The following RORA variants were observed in gnomAD, a reference collection of about 807,000 sequenced individuals.
RORA encodes the protein RAR related orphan receptor A, also known as nuclear receptor ROR-alpha.
Under a neutral mutation model 69.5 loss-of-function variants are expected in RORA, and 7 were observed. The ratio of observed to expected loss-of-function variants is 0.10; its 90% CI spans 0.06 to 0.19. RORA has a LOEUF of 0.19. Among genes scored for constraint, RORA ranks in the 10% least tolerant of loss-of-function variants. RORA has a pLI of 1.00. For synonymous variants in RORA, 261 were observed against 240.8 expected, an observed-to-expected ratio of 1.08 and a Z score of -0.78; for missense variants, 457 against 663.0, an observed-to-expected ratio of 0.69 and a Z score of 3.41.
At chr15:60,621,803 T>C (rs1179081646) in intron 2 of RORA, among the ~76,000 whole-genome samples, 2 of 151,842 alleles carry the variant, frequency 1.3e-5, no homozygotes, top group African/African-American at 2.4e-5. Flanking sequence ...ATCCCAGCAC[T>C]TTGGGAGGGC....
At chr15:60,684,931 A>G (rs1051084096) in intron 1 of RORA, among the ~76,000 whole-genome samples, 2 of 152,150 alleles carry the variant, frequency 1.3e-5, no homozygotes, top group Non-Finnish European at 2.9e-5. Context: ...AATATAGCTT[A>G]ACTTCTCTGA....
intron 1 of RORA, among the ~76,000 whole-genome samples, chr15:60,979,988 A>G (rs1893993876): frequency 6.6e-6 from 1 of 152,194 alleles, no homozygotes; most frequent in South Asian, 2.1e-4. Flanking sequence ...AGTCTTTCAC[A>G]GTTAAGTATG....
chr15:60,601,410 T>G (rs1215574385), intron 2 of RORA, among the ~76,000 whole-genome samples: 1 of 152,188 alleles, frequency 6.6e-6, no homozygotes, highest in East Asian at 1.9e-4. Flanking sequence ...CATACCAAAT[T>G]AACTCTTGAG....
chr15:60,604,392 T>G (rs1308863458), intron 2 of RORA, among the ~76,000 whole-genome samples: 1 of 152,176 alleles, frequency 6.6e-6, no homozygotes, highest in Non-Finnish European at 1.5e-5. Flanking sequence ...CCTCCAGTAA[T>G]GCGAATGGAC....
At chr15:61,181,313 A>G (rs530349732) in intron 1 of RORA, 17 of 152,284 alleles carry the variant, frequency 1.1e-4, no homozygotes, top group African/African-American at 3.9e-4. Context: ...AACAGCCACT[A>G]AAGAGAGCCC....
chr15:61,089,381 T>C (rs946878669), intron 1 of RORA, among the ~76,000 whole-genome samples: 5 of 152,334 alleles, frequency 3.3e-5, no homozygotes, highest in East Asian at 3.9e-4. Flanking sequence ...CTCACAGATG[T>C]AGCTTTGTTC....
At chr15:61,156,165 C>CA (rs1050161141) in intron 1 of RORA, among the ~76,000 whole-genome samples, 2 of 151,846 alleles carry the variant, frequency 1.3e-5, no homozygotes, top group Non-Finnish European at 2.9e-5. Flanking sequence ...ACTTCTCTTT[C>CA]TTTTTTTTAA....
intron 1 of RORA, among the ~76,000 whole-genome samples, chr15:61,063,619 C>A (rs2078217143): frequency 6.6e-6 from 1 of 152,112 alleles, no homozygotes; most frequent in South Asian, 2.1e-4. Flanking sequence ...CTTGGAAACA[C>A]CCTTGAAAGT....
intron 1 of RORA, among the ~76,000 whole-genome samples, chr15:61,070,140 TAGA>T (rs1419869031): frequency 6.6e-6 from 1 of 152,150 alleles, no homozygotes; most frequent in Non-Finnish European, 1.5e-5. Context: ...TTCACAGAGG[TAGA>T]AGAATACATA....
At chr15:61,189,871 A>AAC (rs1270214419) in intron 1 of RORA, among the ~76,000 whole-genome samples, 1 of 149,500 alleles carries the variant, frequency 6.7e-6, no homozygotes, top group East Asian at 1.9e-4. Flanking sequence ...AAAAAAAAAA[A>AAC]AAAAAAAAAA....
At chr15:60,790,916 C>T (rs998234101) in intron 1 of RORA, among the ~76,000 whole-genome samples, 10 of 152,086 alleles carry the variant, frequency 6.6e-5, no homozygotes, top group African/African-American at 2.4e-4. Flanking sequence ...ATCATGGTAA[C>T]GTTTTTCTCT....
intron 1 of RORA, among the ~76,000 whole-genome samples, chr15:61,166,239 C>T (rs920967296): frequency 1.3e-5 from 2 of 152,130 alleles, no homozygotes. Context: ...GCAAGAAAGA[C>T]ACTGACAGTA....
intron 2 of RORA, among the ~76,000 whole-genome samples, chr15:60,645,639 C>T (rs1202131918): frequency 1.1e-4 from 16 of 152,016 alleles, no homozygotes; most frequent in Non-Finnish European, 1.8e-4. Flanking sequence ...GTGATCCACC[C>T]GCCTCAGCCT....
At chr15:60,589,541 G>A (rs553125516) in intron 2 of RORA, among the ~76,000 whole-genome samples, 4 of 152,288 alleles carry the variant, frequency 2.6e-5, no homozygotes, top group Admixed American at 1.3e-4. Flanking sequence ...GTGCTCCCCC[G>A]ATTATAAATG....
chr15:60,913,063 G>C (rs535103652), intron 1 of RORA, among the ~76,000 whole-genome samples: 41 of 152,248 alleles, frequency 2.7e-4, no homozygotes, highest in Admixed American at 2.1e-3. Context: ...GCCCATTATA[G>C]CACTATAGGG....
chr15:60,514,554 A>C (rs1215627148), intron 4 of RORA, 62 bp downstream of exon 4: 1 of 1,544,968 alleles, frequency 6.5e-7, no homozygotes, highest in South Asian at 1.1e-5. Context: ...ATCTGAGTCC[A>C]GGTTTCAGAA....
intron 1 of RORA, among the ~76,000 whole-genome samples, chr15:61,023,643 G>C (rs1451125199): frequency 1.3e-5 from 2 of 152,218 alleles, no homozygotes; most frequent in Non-Finnish European, 2.9e-5. Flanking sequence ...CTTTAAGACA[G>C]CAAACCTGTT....
At chr15:60,536,398 G>A (rs1483756376) in intron 2 of RORA, among the ~76,000 whole-genome samples, 1 of 152,088 alleles carries the variant, frequency 6.6e-6, no homozygotes, top group Non-Finnish European at 1.5e-5. Flanking sequence ...AGCTCTTTCC[G>A]AGGTGGGGAT....
intron 1 of RORA, among the ~76,000 whole-genome samples, chr15:60,937,117 A>G (rs922775): frequency 0.15 from 23,017 of 152,210 alleles, 1,892 homozygotes; most frequent in Admixed American, 0.2. Context: ...TTATCAACCC[A>G]TTCAATGGAT....
Sources: allele counts gnomAD v4.1 joint callset (sites outside exome capture counted in the v4.1 genomes callset), GRCh38; gene constraint gnomAD v4.1.1; transcripts MANE v1.5; gene names NCBI Gene and HGNC (gene_info 2026-07-23, HGNC 2026-07-21).